The following KLF8 variants were observed in gnomAD, a reference collection of about 807,000 sequenced individuals.
KLF8 encodes KLF transcription factor 8, also known as Krueppel-like factor 8.
A neutral mutation model predicts 18.2 loss-of-function variants in KLF8; 10 were observed. The observed-to-expected ratio is 0.55, with a 90% CI of 0.34 to 0.93. The LOEUF is 0.93. Ranked by LOEUF, KLF8 falls within the 40% of genes least tolerant of loss-of-function variation. The pLI is 0.02. For missense variants in KLF8, 264 were observed against 277.9 expected, an observed-to-expected ratio of 0.95 and a Z score of 0.36; for synonymous variants, 109 against 97.3, an observed-to-expected ratio of 1.12 and a Z score of -0.71.
At chrX:56,032,041 AT>A in the KLF8 span, among the ~76,000 whole-genome samples, 2 of 110,992 alleles carry the variant, frequency 1.8e-5, no homozygotes, top group Non-Finnish European at 3.8e-5. Context: ...CATGGGTTGA[AT>A]TTTAACTACC....
the KLF8 span, among the ~76,000 whole-genome samples, chrX:55,999,201 G>A: frequency 9.6e-6 from 1 of 104,247 alleles, no homozygotes; most frequent in African/African-American, 3.5e-5. Context: ...TTGGTCTACG[G>A]GGGTATTTTA....
At chrX:56,130,612 G>T in the KLF8 span, among the ~76,000 whole-genome samples, 1 of 111,065 alleles carries the variant, frequency 9.0e-6, no homozygotes, top group South Asian at 3.8e-4. Context: ...CCCCCCTACT[G>T]CCAGTTACAC....
the KLF8 span, among the ~76,000 whole-genome samples, chrX:56,073,355 A>G: frequency 8.6e-4 from 97 of 112,139 alleles, no homozygotes; most frequent in Middle Eastern, 4.6e-3. Flanking sequence ...TGGCTGAATA[A>G]TATTCCATTT....
the KLF8 span, among the ~76,000 whole-genome samples, chrX:56,138,689 G>C: frequency 1.8e-5 from 2 of 111,395 alleles, no homozygotes; most frequent in East Asian, 5.6e-4. Flanking sequence ...AGCCATCTCT[G>C]ACAGACCCAC....
chrX:56,207,015 T>G, the KLF8 span, among the ~76,000 whole-genome samples: 1 of 113,015 alleles, frequency 8.8e-6, no homozygotes, highest in Non-Finnish European at 1.9e-5. Flanking sequence ...TTGAACCCTC[T>G]GAGGCAACAT....
the KLF8 span, among the ~76,000 whole-genome samples, chrX:55,944,816 G>C: frequency 9.0e-6 from 1 of 111,014 alleles, no homozygotes; most frequent in African/African-American, 3.3e-5. Flanking sequence ...AGGGTTTTTT[G>C]TGTCTCTATT....
intron 2 of KLF8, among the ~76,000 whole-genome samples, chrX:56,257,668 AT>A (rs928382925): frequency 1.8e-5 from 2 of 112,040 alleles, no homozygotes; most frequent in African/African-American, 6.5e-5. Flanking sequence ...CTGTATCCAT[AT>A]TGCTGCAAAA....
the KLF8 span, among the ~76,000 whole-genome samples, chrX:56,053,172 C>T: frequency 8.9e-6 from 1 of 112,367 alleles, no homozygotes; most frequent in Non-Finnish European, 1.9e-5. Flanking sequence ...CTGTCTGGCA[C>T]TCCCTAGTGA....
chrX:56,231,032 A>G (rs1359672559), upstream of KLF8, among the ~76,000 whole-genome samples: 1 of 111,965 alleles, frequency 8.9e-6, no homozygotes, highest in Non-Finnish European at 1.9e-5. Flanking sequence ...TCAGTCAGAG[A>G]AAGTAAAGCA....
At chrX:56,133,923 A>C in the KLF8 span, among the ~76,000 whole-genome samples, 1 of 14,717 alleles carries the variant, frequency 6.8e-5, no homozygotes, top group African/African-American at 2.3e-4. Flanking sequence ...CAATATCTGC[A>C]AAAAAAAAAA....
At chrX:56,188,417 A>G in the KLF8 span, among the ~76,000 whole-genome samples, 1 of 112,108 alleles carries the variant, frequency 8.9e-6, no homozygotes, top group East Asian at 2.8e-4. Flanking sequence ...GGTAGGAAGA[A>G]TCAATATCAT....
chrX:56,106,773 T>A, the KLF8 span, among the ~76,000 whole-genome samples: 1 of 112,290 alleles, frequency 8.9e-6, no homozygotes, highest in South Asian at 3.7e-4. Flanking sequence ...GGAGCTGCAA[T>A]CCTTTGGAGG....
the KLF8 span, among the ~76,000 whole-genome samples, chrX:56,063,243 GC>G: frequency 9.0e-6 from 1 of 110,986 alleles, no homozygotes; most frequent in East Asian, 2.9e-4. Context: ...AGGAGAAGAG[GC>G]CTTTTGGTTT....
At chrX:56,196,320 C>T in the KLF8 span, among the ~76,000 whole-genome samples, 2 of 111,411 alleles carry the variant, frequency 1.8e-5, no homozygotes. Flanking sequence ...CATCAGTGTG[C>T]TGTATTCAGG....
At chrX:56,153,766 A>G in the KLF8 span, among the ~76,000 whole-genome samples, 1 of 111,454 alleles carries the variant, frequency 9.0e-6, no homozygotes, top group Non-Finnish European at 1.9e-5. Flanking sequence ...AAAAATCACA[A>G]GCACTTCTGT....
At chrX:56,126,623 G>T in the KLF8 span, among the ~76,000 whole-genome samples, 5 of 110,202 alleles carry the variant, frequency 4.5e-5, no homozygotes, top group Non-Finnish European at 9.5e-5. Flanking sequence ...CCTACTCCCT[G>T]TTTCCACTCA....
chrX:56,081,537 G>A, the KLF8 span, among the ~76,000 whole-genome samples: 1 of 111,881 alleles, frequency 8.9e-6, no homozygotes, highest in Non-Finnish European at 1.9e-5. Context: ...TGGTGAAAGT[G>A]GGCAACCCTA....
chrX:56,266,066 G>A (rs1479805065), intron 3 of KLF8: 4 of 799,597 alleles, frequency 5.0e-6, no homozygotes, highest in African/African-American at 2.2e-5. Flanking sequence ...ATTACAAAAT[G>A]CAAAATTTAA....
the KLF8 span, among the ~76,000 whole-genome samples, chrX:56,164,805 G>T: frequency 3.6e-5 from 3 of 84,097 alleles, no homozygotes; most frequent in Non-Finnish European, 4.5e-5. Flanking sequence ...ACATTGTGCA[G>T]GTTAGTTACA....
Sources: gnomAD v4.1 joint callset for allele counts (sites outside exome capture counted in the v4.1 genomes callset) on GRCh38, gnomAD v4.1.1 for gene constraint, MANE v1.5 for transcripts, NCBI Gene and HGNC (gene_info 2026-07-23, HGNC 2026-07-21) for gene names.